Variants in L2HGDH observed in about 807,000 individuals in gnomAD.
L2HGDH encodes the protein L-2-hydroxyglutarate dehydrogenase.
In L2HGDH, 34 loss-of-function variants were observed where a neutral mutation model predicts 51.5. That is an observed-to-expected ratio of 0.66 (90% CI 0.50 to 0.88). The LOEUF (loss-of-function observed/expected upper bound fraction) is 0.88. Among genes scored for constraint, L2HGDH ranks in the 40% least tolerant of loss-of-function variants. The pLI is 0.00. For missense variants in L2HGDH, 558 were observed against 571.9 expected (o/e 0.98, Z 0.25); for synonymous variants, 198 against 197.9 (o/e 1.00, Z -0.01).
chr14:50,309,828 G>A (rs1017282477), intron 1 of L2HGDH, among the ~76,000 whole-genome samples: 1 of 151,270 alleles, frequency 6.6e-6, no homozygotes, highest in Non-Finnish European at 1.5e-5. Flanking sequence ...GACTACAGGA[G>A]CAAGCCACCA....
At chr14:50,250,242 G>T (rs1011154760) in intron 9 of L2HGDH, among the ~76,000 whole-genome samples, 1 of 152,152 alleles carries the variant, frequency 6.6e-6, no homozygotes, top group Non-Finnish European at 1.5e-5. Flanking sequence ...CACTACCCTG[G>T]GCCAGAGGGG....
chr14:50,312,075 C>T lies in L2HGDH; in HGVS notation c.76G>A (p.Ala26Thr), dbSNP rs561123063. 3.1e-6 allele frequency: 5 copies of T among 1,602,792 alleles called. No individual in the cohort carries two copies. The highest frequency in any genetic ancestry group is 1.3e-5 in the African/African-American group (1 of 74,922). ...GGCCTCCCAGACGCGAACCCGCACG[C>T]CCCAGGGGAGCCACCGGCGAAAAGC... ...RGLFAGGSPG[A>T]CGFASGRPRP... The change falls in exon 1 of 10, where the codon GCG becomes ACG. Residue 26 changes from alanine to threonine, a missense_variant. Ala to Thr is a moderately conservative substitution (Grantham distance 58). Coordinates refer to ENST00000267436, the MANE Select transcript of L2HGDH (RefSeq NM_024884.3).
At chr14:50,271,879 A>G (rs1336585492) in intron 6 of L2HGDH, among the ~76,000 whole-genome samples, 1 of 151,714 alleles carries the variant, frequency 6.6e-6, no homozygotes, top group Non-Finnish European at 1.5e-5. Flanking sequence ...AGTGGCTCAC[A>G]CCTGTAATCC....
At chr14:50,258,671 A>T (rs1888816396) in intron 9 of L2HGDH, among the ~76,000 whole-genome samples, 1 of 151,204 alleles carries the variant, frequency 6.6e-6, no homozygotes, top group Admixed American at 6.6e-5. Flanking sequence ...ATGCCACCAC[A>T]CCCAGCTAGT....
chr14:50,284,566 C>G (rs1566526143), intron 4 of L2HGDH, among the ~76,000 whole-genome samples: 3 of 152,172 alleles, frequency 2.0e-5, no homozygotes, highest in Admixed American at 2.0e-4. Context: ...CTATATAACA[C>G]ATGCTTATTT....
At chr14:50,274,172 G>A (rs1428567718) in intron 6 of L2HGDH, among the ~76,000 whole-genome samples, 2 of 152,070 alleles carry the variant, frequency 1.3e-5, no homozygotes, top group Non-Finnish European at 2.9e-5. Flanking sequence ...CCAGCTACCT[G>A]GGAGGCTGAG....
intron 8 of L2HGDH, 141 bp downstream of exon 8, chr14:50,267,612 T>C (rs1889419735): frequency 4.5e-6 from 3 of 674,144 alleles, no homozygotes. Flanking sequence ...TCCAAAGCTT[T>C]TAATTTGGAT....
chr14:50,250,796 A>G lies in L2HGDH; in HGVS notation c.1197-3543T>C, dbSNP rs1888304497. Among the ~76,000 whole-genome samples, 3 of 152,238 alleles carry G rather than the reference A, an allele frequency of 2.0e-5. No homozygotes were observed. The South Asian group carries it at 6.2e-4, about 32-fold the overall frequency. ...AGAGAATTCTTCTGGATCTTATCCA[A>G]GACCACTTAGGTGGTACCTCTACAA... On this transcript the variant is annotated intron_variant, in intron 9 of 9. Transcript: ENST00000267436.
chr14:50,245,481 GT>G lies in L2HGDH; in HGVS notation c.*1576del. The stretch of plus-strand genomic sequence containing the variant: ...AGACTGGAAATAATAAAGGCTTTGA[GT>G]TTGTTTTGTTATTTCCTACAAATAT... On this transcript the variant is annotated 3_prime_UTR_variant, in exon 10 of 10. Coordinates refer to ENST00000267436, the MANE Select transcript of L2HGDH (RefSeq NM_024884.3). 1.0e-6 allele frequency: 1 copy of G among 982,434 alleles called. No individual in the cohort carries two copies. The highest frequency in any genetic ancestry group is 1.2e-6 in the Non-Finnish European group (1 of 827,266). The allele number at this position is 982,434 out of a possible 1,614,324, so 60.9% of individuals were successfully genotyped here.
intron 3 of L2HGDH, among the ~76,000 whole-genome samples, chr14:50,300,262 C>T (rs2030328342): frequency 6.6e-6 from 1 of 151,970 alleles, no homozygotes; most frequent in South Asian, 2.1e-4. Flanking sequence ...AAAGGTAATG[C>T]ATATGTTGGT....
At chr14:50,247,942 A>T (rs2139924795) in intron 9 of L2HGDH, among the ~76,000 whole-genome samples, 1 of 151,966 alleles carries the variant, frequency 6.6e-6, no homozygotes. Context: ...CAGGTTGTGT[A>T]CACAACCTCG....
At chr14:50,266,615 T>C (rs1009064920) in intron 8 of L2HGDH, among the ~76,000 whole-genome samples, 20 of 152,184 alleles carry the variant, frequency 1.3e-4, no homozygotes, top group Non-Finnish European at 1.5e-4. Flanking sequence ...GTCTCAAAAT[T>C]ACAAAACAAA....
chr14:50,242,597 GT>G lies in L2HGDH; in HGVS notation c.*4460del. The stretch of plus-strand genomic sequence containing the variant: ...CTGTTCTTCCCTTCAGGGCTTCAGG[GT>G]TTATTTCCATTCTTAAGCTATTTAA... On this transcript the variant is annotated 3_prime_UTR_variant, in exon 10 of 10. Transcript: ENST00000267436. The G allele has an allele frequency of 2.0e-6, 2 of 984,848 alleles. No homozygotes were observed. The highest frequency in any genetic ancestry group is 1.2e-6 in the Non-Finnish European group (1 of 829,448). The allele number at this position is 984,848 out of a possible 1,614,324, so 61.0% of individuals were successfully genotyped here. A position where few individuals can be genotyped will look rare whatever the true frequency, so the allele number is the denominator to read the frequency against.
chr14:50,274,823 C>T (rs1480171577), intron 6 of L2HGDH, among the ~76,000 whole-genome samples: 1 of 152,094 alleles, frequency 6.6e-6, no homozygotes, highest in African/African-American at 2.4e-5. Context: ...TTTGTGACAA[C>T]ATGGGTGGGC....
At chr14:50,302,204 A>C in intron 2 of L2HGDH, 36 bp from the exon 3 acceptor site, 1 of 1,606,874 alleles carries the variant, frequency 6.2e-7, no homozygotes, top group Non-Finnish European at 8.5e-7. Context: ...GAGTAAGTAC[A>C]TGATTCATAC....
intron 6 of L2HGDH, among the ~76,000 whole-genome samples, chr14:50,275,249 T>C (rs1423812943): frequency 6.6e-6 from 1 of 152,174 alleles, no homozygotes; most frequent in Non-Finnish European, 1.5e-5. Flanking sequence ...GTAGCAAGGA[T>C]GGAGGTGATC....
At chr14:50,247,349 T>C in intron 9 of L2HGDH, 96 bp from the exon 10 acceptor site, 1 of 1,532,100 alleles carries the variant, frequency 6.5e-7, no homozygotes, top group South Asian at 1.2e-5. Context: ...AAAGTATTCT[T>C]CTAAATGCAC....
At chr14:50,257,760 GTTTT>G (rs1448244675) in intron 9 of L2HGDH, among the ~76,000 whole-genome samples, 1 of 141,726 alleles carries the variant, frequency 7.1e-6, no homozygotes, top group African/African-American at 2.6e-5. Flanking sequence ...TTTTTCTTTG[GTTTT>G]TTTTTTTCAT....
At chr14:50,259,492 G>A (rs1023340092) in intron 9 of L2HGDH, among the ~76,000 whole-genome samples, 1 of 150,172 alleles carries the variant, frequency 6.7e-6, no homozygotes, top group African/African-American at 2.5e-5. Flanking sequence ...TTACAGGCAT[G>A]AGCCACCCCG....
Sources: gnomAD v4.1 joint callset for allele counts (sites outside exome capture counted in the v4.1 genomes callset) on GRCh38, gnomAD v4.1.1 for gene constraint, MANE v1.5 for transcripts, NCBI Gene and HGNC (gene_info 2026-07-23, HGNC 2026-07-21) for gene names.